The following SIPA1L1 variants were observed in gnomAD, a reference collection of about 807,000 sequenced individuals.
SIPA1L1 encodes signal induced proliferation associated 1 like 1.
SIPA1L1 carries 26 observed loss-of-function variants against 162.7 expected under a neutral mutation model. That is an observed-to-expected ratio of 0.16 (90% confidence interval 0.12 to 0.22). SIPA1L1 has a LOEUF of 0.22. Ranked by LOEUF, SIPA1L1 falls within the 10% of genes least tolerant of loss-of-function variation. The pLI is 1.00. For synonymous variants in SIPA1L1, 829 were observed against 837.4 expected, an observed-to-expected ratio of 0.99 and a Z score of 0.17; for missense variants, 1,874 against 2,241.0, an observed-to-expected ratio of 0.84 and a Z score of 3.31.
At chr14:71,517,343 G>A (rs1390649465) in intron 3 of SIPA1L1, among the ~76,000 whole-genome samples, 3 of 151,930 alleles carry the variant, frequency 2.0e-5, no homozygotes, top group Non-Finnish European at 4.4e-5. Context: ...ATTTATTTCG[G>A]CATAGGTACT....
chr14:71,365,892 A>T lies in SIPA1L1; in HGVS notation c.-465+44711A>T, dbSNP rs962974833. Reference sequence around the variant, plus strand: ...AGTTGTCTGCCAACATGCCTGGTTAATTTTTTTTTTTTTTTAAGAGATGGG... The same window carrying T: ...AGTTGTCTGCCAACATGCCTGGTTATTTTTTTTTTTTTTTTAAGAGATGGG... On this transcript the variant is annotated intron_variant, in intron 2 of 23. Transcript: ENST00000381232. 5.3e-3 allele frequency among the ~76,000 whole-genome samples: 452 copies of T among 84,736 alleles called. 4 individuals are homozygous for T. The highest frequency in any genetic ancestry group is 0.012 in the South Asian group (33 of 2,784). 55.6% of individuals were successfully genotyped at this position (84,736 alleles called of 152,430 possible). A position where few individuals can be genotyped will look rare whatever the true frequency, so the allele number is the denominator to read the frequency against.
In SIPA1L1 at chr14:71,577,382, T is replaced by A. The variant is rs373449635; in HGVS notation, c.-302-10189T>A. On this transcript the variant is annotated intron_variant, in intron 4 of 23. Coordinates refer to ENST00000381232, the MANE Select transcript of SIPA1L1 (RefSeq NM_001386936.1). ...GCCTGCTATATAGTGAGCACTTATT[T>A]TTTTTTTTTTTTGGAGACAAATCTC... Among the ~76,000 whole-genome samples the A allele has an allele frequency of 3.6e-4, 55 of 151,322 alleles. No homozygotes were observed. The South Asian group carries it at 8.9e-3, about 25-fold the overall frequency.
At chr14:71,352,074 G>A (rs2036772039) in intron 2 of SIPA1L1, among the ~76,000 whole-genome samples, 1 of 151,534 alleles carries the variant, frequency 6.6e-6, no homozygotes. Context: ...ATATTAGAGT[G>A]GCCAGAGAAG....
chr14:71,667,131 C>T (rs1016536858), intron 10 of SIPA1L1, among the ~76,000 whole-genome samples: 3 of 152,116 alleles, frequency 2.0e-5, no homozygotes, highest in Non-Finnish European at 4.4e-5. Context: ...TCCTGTCTCT[C>T]AGTCTCATCT....
At chr14:71,595,977 C>T (rs1165478233) in intron 5 of SIPA1L1, among the ~76,000 whole-genome samples, 2 of 152,182 alleles carry the variant, frequency 1.3e-5, no homozygotes, top group African/African-American at 4.8e-5. Flanking sequence ...CAAAATCTAA[C>T]CTTTTGTCTT....
intron 4 of SIPA1L1, chr14:71,574,569 T>C (rs1567228190): frequency 6.6e-6 from 1 of 152,228 alleles, no homozygotes; most frequent in Non-Finnish European, 1.5e-5. Flanking sequence ...ATGCACCTTA[T>C]AAACAGTCTT....
chr14:71,409,175 A>G (rs981888199), intron 2 of SIPA1L1, among the ~76,000 whole-genome samples: 11 of 152,112 alleles, frequency 7.2e-5, no homozygotes, highest in Admixed American at 2.6e-4. Context: ...GGCTCTGTAA[A>G]AATGGTGTCT....
intron 5 of SIPA1L1, among the ~76,000 whole-genome samples, chr14:71,603,964 TATATAG>T: frequency 6.9e-6 from 1 of 145,392 alleles, no homozygotes; most frequent in African/African-American, 2.5e-5. Context: ...TATATATTTA[TATATAG>T]ATATATTTAT....
Position 71,375,941 on chromosome 14 carries a change from T to C in SIPA1L1, c.-465+54760T>C, listed in dbSNP as rs147675650. 2.2e-3 allele frequency among the ~76,000 whole-genome samples: 331 copies of C among 152,294 alleles called. 2 individuals carry two copies. Among genetic ancestry groups the C allele is most frequent in the African/African-American group, 7.3e-3 (305 of 41,556 alleles). Reference sequence around the variant, plus strand: ...TGTGGTGGCTCATGGTATACCTTTTTATATAGTATTGGATTTAATTTGCTA... The same window carrying C: ...TGTGGTGGCTCATGGTATACCTTTTCATATAGTATTGGATTTAATTTGCTA... On this transcript the variant is annotated intron_variant, in intron 2 of 23. Coordinates refer to ENST00000381232, the MANE Select transcript of SIPA1L1 (RefSeq NM_001386936.1).
intron 2 of SIPA1L1, among the ~76,000 whole-genome samples, chr14:71,385,471 C>G (rs1351921032): frequency 1.3e-5 from 2 of 152,012 alleles, no homozygotes; most frequent in South Asian, 4.2e-4. Context: ...TGGTTTTGTT[C>G]CCTAATAAAA....
chr14:71,362,135 G>A (rs746071438), intron 2 of SIPA1L1, among the ~76,000 whole-genome samples: 2 of 152,164 alleles, frequency 1.3e-5, no homozygotes, highest in East Asian at 1.9e-4. Flanking sequence ...TCAAGGAGCC[G>A]GCATGTGTGT....
intron 17 of SIPA1L1, among the ~76,000 whole-genome samples, chr14:71,716,550 C>T (rs1265052574): frequency 4.6e-5 from 7 of 152,204 alleles, no homozygotes; most frequent in Non-Finnish European, 1.0e-4. Flanking sequence ...AGATGTTTTT[C>T]ACAGGATATG....
chr14:71,408,868 A>C (rs973471399), intron 2 of SIPA1L1, among the ~76,000 whole-genome samples: 3 of 152,176 alleles, frequency 2.0e-5, no homozygotes, highest in Non-Finnish European at 4.4e-5. Context: ...GCACTTGCTT[A>C]TTAGTTGTGT....
intron 4 of SIPA1L1, among the ~76,000 whole-genome samples, chr14:71,583,531 G>T (rs971093141): frequency 2.0e-5 from 3 of 151,982 alleles, no homozygotes; most frequent in Non-Finnish European, 4.4e-5. Flanking sequence ...TTCACAACAG[G>T]AACTGTAGTG....
In SIPA1L1 at chr14:71,560,489, G is replaced by C. The variant is rs941257562; in HGVS notation, c.-302-27082G>C. On this transcript the variant is annotated intron_variant, in intron 4 of 23. Transcript: ENST00000381232. Reference sequence around the variant, plus strand: ...AGAAGGTAGCAGGTAAAGGCTAGGTGAATCAGTCCCTTTTTATCAGGAAAG... The same window carrying C: ...AGAAGGTAGCAGGTAAAGGCTAGGTCAATCAGTCCCTTTTTATCAGGAAAG... Among the ~76,000 whole-genome samples the C allele has an allele frequency of 3.9e-5, 6 of 152,320 alleles. No individual in the cohort carries two copies. In the East Asian group the frequency reaches 5.8e-4, roughly 15 times the overall value.
At chr14:71,730,752 T>C (rs2084687605) in intron 20 of SIPA1L1, among the ~76,000 whole-genome samples, 1 of 152,224 alleles carries the variant, frequency 6.6e-6, no homozygotes, top group African/African-American at 2.4e-5. Flanking sequence ...CACTCATTTG[T>C]TGACTCATTG....
intron 2 of SIPA1L1, among the ~76,000 whole-genome samples, chr14:71,391,027 T>G (rs1326196470): frequency 6.6e-6 from 1 of 151,862 alleles, no homozygotes; most frequent in African/African-American, 2.4e-5. Flanking sequence ...ATACTAAGAC[T>G]TCACAGGACA....
chr14:71,687,750 G>T (rs1017118196), intron 13 of SIPA1L1, among the ~76,000 whole-genome samples: 1 of 152,174 alleles, frequency 6.6e-6, no homozygotes, highest in Non-Finnish European at 1.5e-5. Flanking sequence ...ACTTGTGTCT[G>T]CCTTTCTTCT....
At chr14:71,612,507 A>T (rs2038345441) in intron 5 of SIPA1L1, among the ~76,000 whole-genome samples, 1 of 152,214 alleles carries the variant, frequency 6.6e-6, no homozygotes. Context: ...AACTTTACAG[A>T]TTACTTGTAA....
Sources: gnomAD v4.1 joint callset for allele counts (sites outside exome capture counted in the v4.1 genomes callset) on GRCh38, gnomAD v4.1.1 for gene constraint, MANE v1.5 for transcripts, NCBI Gene and HGNC (gene_info 2026-07-23, HGNC 2026-07-21) for gene names.